Variants in ROBO2 observed in about 807,000 individuals in gnomAD.
ROBO2 encodes roundabout guidance receptor 2, also known as roundabout homolog 2.
ROBO2 carries 53 observed loss-of-function variants against 160.8 expected under a neutral mutation model. The ratio of observed to expected loss-of-function variants is 0.33; its 90% CI spans 0.26 to 0.41. ROBO2 has a LOEUF of 0.41. Ranked by LOEUF, ROBO2 falls within the 10% of genes least tolerant of loss-of-function variation. The pLI is 1.00. For missense variants in ROBO2, 1,577 were observed against 1,722.4 expected (o/e 0.92, Z 1.49); for synonymous variants, 664 against 611.7 (o/e 1.09, Z -1.26).
At chr3:75,987,158 A>G (rs2107486436) in intron 2 of ROBO2, among the ~76,000 whole-genome samples, 2 of 152,072 alleles carry the variant, frequency 1.3e-5, no homozygotes, top group South Asian at 2.1e-4. Flanking sequence ...TTTGGGTAGT[A>G]TTAACATCTT....
At chr3:76,913,344 AGCCAT>A in intron 2 of ROBO2, among the ~76,000 whole-genome samples, 1 of 152,280 alleles carries the variant, frequency 6.6e-6, no homozygotes, top group African/African-American at 2.4e-5. Flanking sequence ...AAAGCCTGCA[AGCCAT>A]TCTAAGGGCA....
intron 4 of ROBO2, among the ~76,000 whole-genome samples, chr3:77,483,727 A>C (rs193077409): frequency 4.7e-4 from 70 of 147,924 alleles, no homozygotes; most frequent in Middle Eastern, 3.6e-3. Context: ...TATAAATATG[A>C]TGTAAATATA....
intron 7 of ROBO2, among the ~76,000 whole-genome samples, chr3:77,548,089 C>A (rs1443859095): frequency 6.6e-6 from 1 of 150,672 alleles, no homozygotes; most frequent in African/African-American, 2.4e-5. Context: ...TACACATAGA[C>A]ATACATGCAC....
intron 2 of ROBO2, among the ~76,000 whole-genome samples, chr3:77,321,096 A>T (rs1108652): frequency 6.6e-6 from 1 of 152,024 alleles, no homozygotes; most frequent in Non-Finnish European, 1.5e-5. Flanking sequence ...GTCGGAGTTA[A>T]CTCAAGCGGT....
chr3:76,046,567 G>T (rs112863531), intron 2 of ROBO2, among the ~76,000 whole-genome samples: 4,114 of 151,992 alleles, frequency 0.027, 263 homozygotes, highest in African/African-American at 0.094. Context: ...AGAATGGCGT[G>T]AACCCGGGAG....
chr3:77,401,870 T>A (rs900850752), intron 2 of ROBO2, among the ~76,000 whole-genome samples: 3 of 152,202 alleles, frequency 2.0e-5, no homozygotes, highest in African/African-American at 2.4e-5. Flanking sequence ...TGAACTAATT[T>A]ACACTCCTAC....
At chr3:76,030,171 A>G (rs988085469) in intron 2 of ROBO2, among the ~76,000 whole-genome samples, 3 of 152,094 alleles carry the variant, frequency 2.0e-5, no homozygotes, top group African/African-American at 4.8e-5. Context: ...CTTCTTTTGA[A>G]AAGTGTCTGT....
intron 2 of ROBO2, among the ~76,000 whole-genome samples, chr3:76,174,736 A>G (rs7632597): frequency 0.11 from 16,417 of 152,066 alleles, 1,054 homozygotes; most frequent in African/African-American, 0.18. Context: ...CTGTTTTGGT[A>G]CCAGTATCAT....
chr3:76,548,943 A>G (rs2083265751), intron 2 of ROBO2, among the ~76,000 whole-genome samples: 1 of 152,176 alleles, frequency 6.6e-6, no homozygotes, highest in African/African-American at 2.4e-5. Flanking sequence ...CAGTTTGTGC[A>G]ATTCAATTTC....
At chr3:76,072,056 C>T (rs1337236900) in intron 2 of ROBO2, among the ~76,000 whole-genome samples, 1 of 152,036 alleles carries the variant, frequency 6.6e-6, no homozygotes, top group Non-Finnish European at 1.5e-5. Flanking sequence ...TGGTTTAGGA[C>T]ATAAAAAAAT....
At chr3:76,953,019 A>G (rs1313869340) in intron 2 of ROBO2, among the ~76,000 whole-genome samples, 1 of 152,230 alleles carries the variant, frequency 6.6e-6, no homozygotes, top group Non-Finnish European at 1.5e-5. Context: ...GACAAAAATC[A>G]TGACAATGTA....
rs1036458967 is a variant in ROBO2, at chr3:76,412,125, G to C, written c.109+474523G>C. 5.3e-5 allele frequency among the ~76,000 whole-genome samples: 8 copies of C among 152,266 alleles called. No homozygotes were observed. The South Asian group carries it at 1.0e-3, about 20-fold the overall frequency. ...GTGGCAAGAGAAAAATGAGGAAGAAGCAAAAGCAGAAACCACTGATAAACC... is the reference window on the plus strand; with the variant it reads ...GTGGCAAGAGAAAAATGAGGAAGAACCAAAAGCAGAAACCACTGATAAACC... On this transcript the variant is annotated intron_variant, in intron 2 of 26. Transcript: ENST00000487694.
intron 2 of ROBO2, among the ~76,000 whole-genome samples, chr3:77,265,084 C>T (rs1478141133): frequency 6.6e-6 from 1 of 152,110 alleles, no homozygotes; most frequent in African/African-American, 2.4e-5. Context: ...TCTGTTGCAA[C>T]TCAGAAACCA....
intron 2 of ROBO2, among the ~76,000 whole-genome samples, chr3:76,231,620 C>T (rs1320530072): frequency 6.6e-6 from 1 of 152,200 alleles, no homozygotes; most frequent in Non-Finnish European, 1.5e-5. Context: ...TCAACTCTAA[C>T]ACAGTGGCTG....
intron 2 of ROBO2, among the ~76,000 whole-genome samples, chr3:76,687,646 A>G (rs2092713846): frequency 6.6e-6 from 1 of 152,116 alleles, no homozygotes; most frequent in Admixed American, 6.6e-5. Flanking sequence ...AAACTGAGCC[A>G]TTAAGAACAC....
At chr3:75,918,384 T>C (rs1226621877) in intron 1 of ROBO2, among the ~76,000 whole-genome samples, 1 of 152,178 alleles carries the variant, frequency 6.6e-6, no homozygotes, top group Non-Finnish European at 1.5e-5. Flanking sequence ...TTCTGTTTCA[T>C]TGGTCTATAT....
At chr3:77,261,960 A>G (rs1315518376) in intron 2 of ROBO2, among the ~76,000 whole-genome samples, 1 of 152,072 alleles carries the variant, frequency 6.6e-6, no homozygotes, top group African/African-American at 2.4e-5. Flanking sequence ...TGAAGGAGAT[A>G]GGAGAAGGGC....
At chr3:77,191,447 A>G (rs2081843249) in intron 2 of ROBO2, among the ~76,000 whole-genome samples, 1 of 152,158 alleles carries the variant, frequency 6.6e-6, no homozygotes, top group South Asian at 2.1e-4. Flanking sequence ...GTGGCCTAAG[A>G]CAGATAGGAA....
At chr3:76,505,189 C>T (rs1484246452) in intron 2 of ROBO2, among the ~76,000 whole-genome samples, 2 of 151,972 alleles carry the variant, frequency 1.3e-5, no homozygotes, top group Non-Finnish European at 2.9e-5. Context: ...TAAACAAAAT[C>T]ACATTTAGAT....
Sources: gnomAD v4.1 joint callset for allele counts (sites outside exome capture counted in the v4.1 genomes callset) on GRCh38, gnomAD v4.1.1 for gene constraint, MANE v1.5 for transcripts, NCBI Gene and HGNC (gene_info 2026-07-23, HGNC 2026-07-21) for gene names.